ETV5: variants seen among roughly 807,000 people sequenced by gnomAD.
ETV5 encodes ETS translocation variant 5.
Under a neutral mutation model 70.0 loss-of-function variants are expected in ETV5, and 10 were observed. That is an observed-to-expected ratio of 0.14 (90% CI 0.09 to 0.24). The LOEUF (loss-of-function observed/expected upper bound fraction) is 0.24, where lower values mean the gene tolerates loss of function less well. Ranked by LOEUF, ETV5 falls within the 10% of genes least tolerant of loss-of-function variation. ETV5 has a pLI of 1.00. For synonymous variants in ETV5, 216 were observed against 242.2 expected, an observed-to-expected ratio of 0.89 and a Z score of 1.01; for missense variants, 453 against 651.2, an observed-to-expected ratio of 0.70 and a Z score of 3.31.
intron 5 of ETV5, among the ~76,000 whole-genome samples, chr3:186,087,996 C>A (rs956039561): frequency 2.6e-5 from 4 of 152,104 alleles, no homozygotes; most frequent in Non-Finnish European, 5.9e-5. Context: ...CAATTAGTTA[C>A]CCTGCGGTCT....
rs1259928114 is a variant in ETV5, at chr3:186,105,406, G to A, written c.181+43C>T. The stretch of plus-strand genomic sequence containing the variant: ...CCTTTAAGTTTTATTAAAAAGCACA[G>A]TAAAATGTTTTATATGGAAAATAGG... On this transcript the variant is annotated intron_variant, in intron 4 of 12. Coordinates refer to ENST00000306376, the MANE Select transcript of ETV5 (RefSeq NM_004454.3). This position sits in a 1 kb window ranked among gnomAD's most constrained non-coding sequence, Gnocchi z 4.5. 22 of 1,612,192 alleles carry A rather than the reference G, an allele frequency of 1.4e-5. No homozygotes were observed. In the South Asian group the frequency reaches 2.3e-4, roughly 17 times the overall value.
intron 5 of ETV5, among the ~76,000 whole-genome samples, chr3:186,103,542 G>A (rs190385937): frequency 2.0e-5 from 3 of 152,008 alleles, no homozygotes; most frequent in Admixed American, 2.0e-4. Flanking sequence ...ATGCTGCTCT[G>A]AGCAAGAACT....
intron 12 of ETV5, among the ~76,000 whole-genome samples, chr3:186,050,385 A>C (rs1199189375): frequency 6.6e-6 from 1 of 152,158 alleles, no homozygotes; most frequent in African/African-American, 2.4e-5. Context: ...GGTTCAAGTT[A>C]CTGTGTCCTG....
intron 1 of ETV5, chr3:186,108,456 C>T (rs776005899): frequency 2.0e-5 from 24 of 1,220,794 alleles, no homozygotes; most frequent in Non-Finnish European, 2.5e-5. Context: ...GCTGCACTTG[C>T]CTGTGTCATT....
At chr3:186,098,492 T>C (rs1174313676) in intron 5 of ETV5, among the ~76,000 whole-genome samples, 1 of 152,162 alleles carries the variant, frequency 6.6e-6, no homozygotes, top group Non-Finnish European at 1.5e-5. Context: ...TAAGACAATT[T>C]CACAGTTCCT....
chr3:186,079,212 TCA>T (rs1434068347), intron 7 of ETV5: 1 of 453,974 alleles, frequency 2.2e-6, no homozygotes, highest in African/African-American at 2.0e-5. Context: ...AAGGTTCCCT[TCA>T]CACACTTTTT....
At chr3:186,068,013 T>G (rs557977928) in intron 7 of ETV5, among the ~76,000 whole-genome samples, 33 of 152,278 alleles carry the variant, frequency 2.2e-4, no homozygotes, top group African/African-American at 7.0e-4. Flanking sequence ...AAACAAAAAG[T>G]TTAACTCATT....
At chr3:186,077,507 C>T (rs554486608) in intron 7 of ETV5, among the ~76,000 whole-genome samples, 9 of 152,184 alleles carry the variant, frequency 5.9e-5, no homozygotes, top group South Asian at 2.1e-4. Context: ...ATAGATATCA[C>T]GTGGATGACC....
chr3:186,065,219 GT>G (rs1447529325), intron 8 of ETV5, among the ~76,000 whole-genome samples: 3 of 152,150 alleles, frequency 2.0e-5, no homozygotes, highest in Non-Finnish European at 4.4e-5. Context: ...TCTGTTGAGT[GT>G]CTTGCTTTAA....
chr3:186,048,437 G>T lies in ETV5; in HGVS notation c.*202C>A. ...GAGTTGAGGCACTGGCCTTTTGGTG[G>T]TTTTCTGCCCCTCCCTGTTCCCACT... is the stretch of plus-strand genomic sequence containing the variant. On this transcript the variant is annotated 3_prime_UTR_variant, in exon 13 of 13. Transcript: ENST00000306376. 1.7e-6 allele frequency: 1 copy of T among 582,630 alleles called. No individual in the cohort carries two copies. Among genetic ancestry groups the T allele is most frequent in the Non-Finnish European group, 3.1e-6 (1 of 327,032 alleles). 36.1% of individuals were successfully genotyped at this position (582,630 alleles called of 1,614,324 possible).
chr3:186,087,978 G>T (rs1578556013), intron 5 of ETV5, among the ~76,000 whole-genome samples: 2 of 151,200 alleles, frequency 1.3e-5, no homozygotes, highest in Non-Finnish European at 2.9e-5. Flanking sequence ...GAGTGTTAAA[G>T]AAATTGCCAA....
rs1206756635 is a variant in ETV5 at position 186,066,025 on chromosome 3, G to A, written c.698C>T (p.Pro233Leu). The A allele has an allele frequency of 6.2e-7, 1 of 1,609,716 alleles. No homozygotes were observed. Among genetic ancestry groups the A allele is most frequent in the African/African-American group, 1.3e-5 (1 of 74,616 alleles). ...SEPCHPFPPQ[P>L]GVPGDNRPSY... ...GGGGCGATTATCTCCAGGAACTCCT[G>A]GCTGAGGAGGGAAGGGGTGGCAGGG... Residue 233 changes from proline to leucine, a missense_variant, in exon 8 of 13, where the codon CCA (proline) becomes CTA (leucine). By Grantham distance (98) the Pro-to-Leu change is moderately conservative. Transcript: ENST00000306376.
intron 7 of ETV5, chr3:186,076,428 G>C (rs945193341): frequency 3.2e-5 from 6 of 189,280 alleles, no homozygotes; most frequent in Non-Finnish European, 5.5e-5. Context: ...ACAATTTGGT[G>C]GTCCCCACTC....
In ETV5 at chr3:186,105,383, T is replaced by C; in HGVS notation, c.182-28A>G. On this transcript the variant is annotated intron_variant, in intron 4 of 12. Coordinates refer to ENST00000306376, the MANE Select transcript of ETV5 (RefSeq NM_004454.3). This position sits in a 1 kb window ranked among gnomAD's most constrained non-coding sequence, Gnocchi z 4.5. ...GGAAAATAGATTTTTATTTTAGACC[T>C]TTAAGTTTTATTAAAAAGCACAGTA... 1 of 1,611,686 alleles carries C rather than the reference T, an allele frequency of 6.2e-7. No individual in the cohort carries two copies. Among genetic ancestry groups the C allele is most frequent in the Non-Finnish European group, 8.5e-7 (1 of 1,179,004 alleles).
At chr3:186,103,244 G>C (rs147360183) in intron 5 of ETV5, among the ~76,000 whole-genome samples, 1 of 152,282 alleles carries the variant, frequency 6.6e-6, no homozygotes, top group East Asian at 1.9e-4. Flanking sequence ...TTTAATTAAA[G>C]AACTTAGCAC....
intron 7 of ETV5, among the ~76,000 whole-genome samples, chr3:186,077,013 T>C (rs1713809613): frequency 6.6e-6 from 1 of 152,232 alleles, no homozygotes; most frequent in Non-Finnish European, 1.5e-5. Flanking sequence ...ACAAATGGCG[T>C]AATTACACGT....
chr3:186,063,706 T>C (rs1713365780), intron 9 of ETV5, among the ~76,000 whole-genome samples: 1 of 152,242 alleles, frequency 6.6e-6, no homozygotes, highest in African/African-American at 2.4e-5. Flanking sequence ...AAAACATTTG[T>C]GTCCTTCAAT....
chr3:186,063,322 T>G (rs114687788), intron 9 of ETV5, among the ~76,000 whole-genome samples: 1 of 152,114 alleles, frequency 6.6e-6, no homozygotes, highest in Non-Finnish European at 1.5e-5. Flanking sequence ...TCCAAGAAAC[T>G]GACATTCTAG....
intron 7 of ETV5, among the ~76,000 whole-genome samples, chr3:186,066,275 A>AAAAAAAAAAAC (rs1713442835): frequency 6.6e-6 from 1 of 151,202 alleles, no homozygotes. Context: ...AAAAAAAAAA[A>AAAAAAAAAAAC]AAAAATCAAA....
Sources: gnomAD v4.1 joint callset for allele counts (sites outside exome capture counted in the v4.1 genomes callset) on GRCh38, gnomAD v4.1.1 for gene constraint, Gnocchi (gnomAD v3.1) non-coding constraint, MANE v1.5 for transcripts, NCBI Gene and HGNC (gene_info 2026-07-23, HGNC 2026-07-21) for gene names.